PRLR: variants seen among roughly 807,000 people sequenced by gnomAD.
PRLR encodes prolactin receptor.
PRLR carries 13 observed loss-of-function variants against 40.2 expected under a neutral mutation model. The observed-to-expected ratio is 0.32, with a 90% CI of 0.21 to 0.51. The LOEUF (loss-of-function observed/expected upper bound fraction) is 0.51. Ranked by LOEUF, PRLR falls within the 20% of genes least tolerant of loss-of-function variation. The pLI is 0.97. For synonymous variants in PRLR, 269 were observed against 278.7 expected (o/e 0.97, Z 0.35); for missense variants, 656 against 747.3 (o/e 0.88, Z 1.42).
chr5:35,178,742 T>A (rs1438369791), intron 1 of PRLR, among the ~76,000 whole-genome samples: 3 of 152,192 alleles, frequency 2.0e-5, no homozygotes. Flanking sequence ...AAATACCATA[T>A]TTTTTAAAAG....
In PRLR at chr5:35,191,326, T is replaced by A. The variant is rs1324282402; in HGVS notation, c.-106+38942A>T. On this transcript the variant is annotated intron_variant, in intron 1 of 9. Coordinates refer to ENST00000618457, the MANE Select transcript of PRLR (RefSeq NM_000949.7). ...ACCTCGTGATCCGCCCGCCTCGGCC[T>A]CCCAAAGTGCTGGGATTACAGGCGT... is the stretch of plus-strand genomic sequence containing the variant. 1.4e-4 allele frequency among the ~76,000 whole-genome samples: 12 copies of A among 87,644 alleles called. 1 individual carries two copies. Among genetic ancestry groups the A allele is most frequent in the African/African-American group, 2.8e-4 (7 of 24,754 alleles). 57.5% of individuals were successfully genotyped at this position (87,644 alleles called of 152,430 possible). A position where few individuals can be genotyped will look rare whatever the true frequency, so the allele number is the denominator to read the frequency against.
At chr5:35,215,784 GCAGCA>G (rs1260004626) in intron 1 of PRLR, among the ~76,000 whole-genome samples, 3 of 150,412 alleles carry the variant, frequency 2.0e-5, no homozygotes, top group African/African-American at 7.4e-5. Flanking sequence ...GCCTGTAATT[GCAGCA>G]CTTTGGGAGG....
chr5:35,077,106 G>T (rs192952249), intron 5 of PRLR, among the ~76,000 whole-genome samples: 1 of 152,270 alleles, frequency 6.6e-6, no homozygotes, highest in Non-Finnish European at 1.5e-5. Context: ...AAATTGCAAA[G>T]ACCATCAATG....
intron 1 of PRLR, among the ~76,000 whole-genome samples, chr5:35,205,718 T>C (rs1475654817): frequency 6.6e-6 from 1 of 152,138 alleles, no homozygotes; most frequent in African/African-American, 2.4e-5. Flanking sequence ...ATGTTCTCTA[T>C]TTTGCCTCCA....
intron 2 of PRLR, among the ~76,000 whole-genome samples, chr5:35,114,528 G>A (rs1226146905): frequency 2.0e-5 from 3 of 152,222 alleles, no homozygotes; most frequent in African/African-American, 7.2e-5. Context: ...ATTTTTCTGA[G>A]TGGAGGCCTA....
At chr5:35,087,716 T>C (rs964767110) in intron 3 of PRLR, among the ~76,000 whole-genome samples, 3 of 151,998 alleles carry the variant, frequency 2.0e-5, no homozygotes, top group African/African-American at 7.3e-5. Flanking sequence ...AGTGTAAAAT[T>C]TTTTAGTTGC....
chr5:35,097,551 TGACCCTCCTTCAA>T (rs966753418), intron 2 of PRLR, among the ~76,000 whole-genome samples: 2 of 152,118 alleles, frequency 1.3e-5, no homozygotes, highest in Non-Finnish European at 1.5e-5. Flanking sequence ...AAACGTGCAA[TGACCCTCCTTCAA>T]GGAGCTCCAG....
chr5:35,127,660 T>G (rs1206917544), intron 1 of PRLR, among the ~76,000 whole-genome samples: 1 of 152,198 alleles, frequency 6.6e-6, no homozygotes, highest in Non-Finnish European at 1.5e-5. Context: ...CAGTGGAATT[T>G]TATTCAGCCA....
Position 35,092,288 on chromosome 5 carries a change from A to G in PRLR, c.-43-2625T>C, listed in dbSNP as rs528992476. Among the ~76,000 whole-genome samples the G allele has an allele frequency of 2.0e-5, 3 of 152,294 alleles. No homozygotes were observed. The East Asian group carries it at 5.8e-4, about 29-fold the overall frequency. On this transcript the variant is annotated intron_variant, in intron 2 of 9. Transcript: ENST00000618457. ...ACCCCCATGCCAGGGAATTAGACAT[A>G]CTCACAGTGGTGTCACGGTTGTGTT...
chr5:35,164,622 A>C (rs756693797), intron 1 of PRLR, among the ~76,000 whole-genome samples: 1 of 152,210 alleles, frequency 6.6e-6, no homozygotes, highest in Non-Finnish European at 1.5e-5. Context: ...CAGGGTCTAC[A>C]AGTGTGGATT....
At chr5:35,172,519 C>A (rs957945193) in intron 1 of PRLR, among the ~76,000 whole-genome samples, 1 of 152,190 alleles carries the variant, frequency 6.6e-6, no homozygotes, top group Non-Finnish European at 1.5e-5. Context: ...ACTGTCCCAC[C>A]CTCTGACCCT....
intron 8 of PRLR, 100 bp downstream of exon 8, chr5:35,068,679 T>G (rs1183261497): frequency 2.7e-5 from 26 of 950,052 alleles, no homozygotes; most frequent in Non-Finnish European, 3.6e-5. Context: ...ATGGCTAAAA[T>G]GAGGATTATC....
At chr5:35,199,477 C>G (rs1775822385) in intron 1 of PRLR, among the ~76,000 whole-genome samples, 1 of 151,960 alleles carries the variant, frequency 6.6e-6, no homozygotes, top group Non-Finnish European at 1.5e-5. Context: ...GAAATGTTTC[C>G]AAGGTGCCAT....
intron 1 of PRLR, among the ~76,000 whole-genome samples, chr5:35,143,895 C>G (rs4343815): frequency 0.79 from 119,405 of 150,536 alleles, 49,854 homozygotes; most frequent in Non-Finnish European, 0.92. Flanking sequence ...ATGAGTATGA[C>G]AAAAACAAAC....
intron 1 of PRLR, among the ~76,000 whole-genome samples, chr5:35,149,789 G>A (rs2111856764): frequency 6.6e-6 from 1 of 152,070 alleles, no homozygotes; most frequent in East Asian, 1.9e-4. Context: ...GCATGATTTG[G>A]TACATAAATT....
intron 2 of PRLR, among the ~76,000 whole-genome samples, chr5:35,104,679 G>A (rs552572430): frequency 1.1e-4 from 17 of 152,250 alleles, no homozygotes; most frequent in Admixed American, 6.5e-4. Flanking sequence ...GGGAAGGGGC[G>A]TCCACCATTG....
intron 1 of PRLR, among the ~76,000 whole-genome samples, chr5:35,148,388 C>G (rs1252378675): frequency 6.6e-6 from 1 of 152,062 alleles, no homozygotes; most frequent in Non-Finnish European, 1.5e-5. Context: ...CAGTTTCTAG[C>G]CTCTCCTAAG....
chr5:35,091,381 G>A (rs1047861302), intron 2 of PRLR, among the ~76,000 whole-genome samples: 2 of 152,170 alleles, frequency 1.3e-5, no homozygotes, highest in African/African-American at 4.8e-5. Flanking sequence ...TTATGGGCAG[G>A]CACTGGGGAA....
chr5:35,081,785 AC>A, intron 5 of PRLR: 1 of 122,652 alleles, frequency 8.2e-6, no homozygotes. Context: ...ACAAACACAC[AC>A]ACACACACAC....
Sources: gnomAD v4.1 joint callset for allele counts (sites outside exome capture counted in the v4.1 genomes callset) on GRCh38, gnomAD v4.1.1 for gene constraint, MANE v1.5 for transcripts, NCBI Gene and HGNC (gene_info 2026-07-23, HGNC 2026-07-21) for gene names.